Variants in SMYD4 observed in about 807,000 individuals in gnomAD.
The protein encoded by SMYD4 is SET and MYND domain containing 4.
Under a neutral mutation model 72.8 loss-of-function variants are expected in SMYD4, and 68 were observed. The ratio of observed to expected loss-of-function variants is 0.93; its 90% CI spans 0.77 to 1.14. The LOEUF is 1.14. SMYD4 is among the 50% of genes most tolerant of loss of function. The probability of loss-of-function intolerance (pLI) is 0.00; values close to 1 mark genes in which losing one functional copy is unlikely to be tolerated. For synonymous variants in SMYD4, 407 were observed against 388.6 expected, an observed-to-expected ratio of 1.05 and a Z score of -0.56; for missense variants, 984 against 1,003.7, an observed-to-expected ratio of 0.98 and a Z score of 0.27.
chr17:1,804,652 C>T lies in SMYD4; in HGVS notation c.343G>A (p.Ala115Thr). Residue 115 changes from alanine to threonine, a missense_variant, in exon 4 of 11, where the codon GCC becomes ACC. Coordinates refer to ENST00000305513, the MANE Select transcript of SMYD4 (RefSeq NM_052928.3). ...MSLCHANRSA[A>T]LFHLGQYETC... is the part of the protein sequence containing the mutation. ...TCATACTGACCCAGGTGGAAGAGGG[C>T]TGCCGAGCGGTTAGCATGACACAGT... is the stretch of plus-strand genomic sequence containing the variant. 6.2e-7 allele frequency: 1 copy of T among 1,613,694 alleles called. No individual in the cohort carries two copies. The highest frequency in any genetic ancestry group is 8.5e-7 in the Non-Finnish European group (1 of 1,179,728).
intron 5 of SMYD4, among the ~76,000 whole-genome samples, chr17:1,793,406 T>C (rs74634652): frequency 2.6e-5 from 4 of 152,034 alleles, no homozygotes; most frequent in Non-Finnish European, 5.9e-5. Context: ...TTTTTTTTTT[T>C]CTGCTGGTTT....
chr17:1,781,442 G>A lies in SMYD4; in HGVS notation c.2262-3C>T. 2 of 1,612,424 alleles carry A rather than the reference G, an allele frequency of 1.2e-6. No homozygotes were observed. The highest frequency in any genetic ancestry group is 1.7e-6 in the Non-Finnish European group (2 of 1,179,528). ...TCAGGGCTTCGGGTACTGCAAACCT[G>A]AGCCAAGGGAGGTAAGAGGAGTTAG... On this transcript the variant is annotated splice_region_variant and splice_polypyrimidine_tract_variant and intron_variant, in intron 10 of 10. Transcript: ENST00000305513.
chr17:1,800,653 G>A lies in SMYD4; in HGVS notation c.741C>T (p.Leu247=), dbSNP rs780631351. ...LCVDPLKGRC[L]VATKDILPGE... ...CTGGGAGAATATCTTTTGTGGCAAC[G>A]AGACAGCGACCTTTTAAAGGATCTA... Residue 247 remains leucine, a synonymous_variant, in exon 5 of 11, where the codon CTC becomes CTT. Coordinates refer to ENST00000305513, the MANE Select transcript of SMYD4 (RefSeq NM_052928.3). 1.7e-5 allele frequency: 27 copies of A among 1,614,056 alleles called. No homozygotes were observed. Among genetic ancestry groups the A allele is most frequent in the East Asian group, 2.2e-5 (1 of 44,902 alleles).
At chr17:1,796,358 A>G (rs893316244) in intron 5 of SMYD4, among the ~76,000 whole-genome samples, 1 of 135,290 alleles carries the variant, frequency 7.4e-6, no homozygotes, top group Non-Finnish European at 1.5e-5. Context: ...ATGGTCTCAA[A>G]TTCCTGGGCT....
chr17:1,791,573 A>G (rs1236561223), intron 5 of SMYD4, among the ~76,000 whole-genome samples: 1 of 152,196 alleles, frequency 6.6e-6, no homozygotes, highest in African/African-American at 2.4e-5. Context: ...AGCAGACTAA[A>G]AGAAAATGAG....
chr17:1,781,548 G>A, intron 10 of SMYD4, 109 bp from the exon 11 acceptor site: 1 of 1,307,488 alleles, frequency 7.6e-7, no homozygotes, highest in South Asian at 1.5e-5. Context: ...TGTCATCAAG[G>A]ATCCTACAAT....
rs994530087 is a variant in SMYD4, at chr17:1,780,323, C to T, written c.*963G>A. On this transcript the variant is annotated 3_prime_UTR_variant, in exon 11 of 11. Coordinates refer to ENST00000305513, the MANE Select transcript of SMYD4 (RefSeq NM_052928.3). ...GCCTCAGCCTACCAGGCTCAGGTGA[C>T]CCTATCTCAGCTTCTCGAGTAGGTG... The T allele has an allele frequency of 6.6e-6, 1 of 151,056 alleles. No individual in the cohort carries two copies. Among genetic ancestry groups the T allele is most frequent in the Non-Finnish European group, 1.5e-5 (1 of 67,828 alleles). The allele number at this position is 151,056 out of a possible 1,614,324, so 9.4% of individuals were successfully genotyped here.
At chr17:1,805,642 T>C (rs1431040450) in intron 3 of SMYD4, among the ~76,000 whole-genome samples, 1 of 150,852 alleles carries the variant, frequency 6.6e-6, no homozygotes, top group Non-Finnish European at 1.5e-5. Flanking sequence ...CAAAACCCCA[T>C]CTCTACTAAA....
intron 2 of SMYD4, among the ~76,000 whole-genome samples, chr17:1,823,968 T>TA (rs1462397323): frequency 6.6e-6 from 1 of 152,204 alleles, no homozygotes; most frequent in East Asian, 1.9e-4. Flanking sequence ...TCCCTTCAGA[T>TA]AGCCTAGTTT....
rs913795129 is a variant in SMYD4 at position 1,829,839 on chromosome 17, GCGCCCCGCTC to G, written c.-136_-127del. ...CGCGCAGCTCCTGGCGCGCCCCTTG[GCGCCCCGCTC>G]CGCCCCGCACCGCGTCCGGCGTCCC... On this transcript the variant is annotated 5_prime_UTR_variant, in exon 1 of 11. Transcript: ENST00000305513. 4.7e-5 allele frequency: 14 copies of G among 296,642 alleles called. No individual in the cohort carries two copies. Among genetic ancestry groups the G allele is most frequent in the Admixed American group, 2.6e-4 (5 of 19,168 alleles). The allele number at this position is 296,642 out of a possible 1,614,324, so 18.4% of individuals were successfully genotyped here.
At chr17:1,817,375 C>T (rs1056036789) in intron 2 of SMYD4, among the ~76,000 whole-genome samples, 2 of 151,922 alleles carry the variant, frequency 1.3e-5, no homozygotes, top group African/African-American at 4.8e-5. Flanking sequence ...CTTGCTCTGT[C>T]GCCCAGGCTG....
intron 2 of SMYD4, among the ~76,000 whole-genome samples, chr17:1,824,374 T>C (rs1911050207): frequency 6.6e-6 from 1 of 152,022 alleles, no homozygotes; most frequent in Admixed American, 6.6e-5. Flanking sequence ...AAATACACTA[T>C]AAAGTCACAG....
At chr17:1,827,679 T>C (rs1911262837) in intron 2 of SMYD4, among the ~76,000 whole-genome samples, 182 bp downstream of exon 2, 1 of 152,166 alleles carries the variant, frequency 6.6e-6, no homozygotes, top group Non-Finnish European at 1.5e-5. Context: ...CTCACGCCTG[T>C]ACTCCCAGCA....
At chr17:1,801,963 G>A (rs754626531) in intron 4 of SMYD4, among the ~76,000 whole-genome samples, 12 of 151,222 alleles carry the variant, frequency 7.9e-5, no homozygotes, top group South Asian at 2.1e-4. Flanking sequence ...GTGACAGAGC[G>A]ACACTCTGTC....
intron 5 of SMYD4, among the ~76,000 whole-genome samples, chr17:1,793,071 C>T (rs1330463744): frequency 6.6e-6 from 1 of 152,060 alleles, no homozygotes; most frequent in African/African-American, 2.4e-5. Context: ...GCGCGCACCA[C>T]CACACTCAGC....
chr17:1,789,489 T>C (rs9895011), intron 5 of SMYD4, among the ~76,000 whole-genome samples: 126,486 of 152,000 alleles, frequency 0.83, 53,236 homozygotes, highest in African/African-American at 0.93. Context: ...ATAGGCCAGG[T>C]GCAGAGGCTC....
intron 8 of SMYD4, among the ~76,000 whole-genome samples, chr17:1,784,042 C>CTGGA (rs1908516934): frequency 3.3e-5 from 5 of 152,242 alleles, no homozygotes; most frequent in African/African-American, 1.2e-4. Flanking sequence ...GCACACAGCT[C>CTGGA]ACGGATGTCA....
rs111417413 is a variant in SMYD4, at chr17:1,800,904, G to A, written c.490C>T (p.Gln164Ter). The A allele has an allele frequency of 6.2e-7, 1 of 1,614,188 alleles. No homozygotes were observed. The highest frequency in any genetic ancestry group is 8.5e-7 in the Non-Finnish European group (1 of 1,180,034). ...TTCCTTTCAAGATCACTGATGGTCT[G>A]GCTTGCCTCCTGCAGTCTCCCCAGG... is the stretch of plus-strand genomic sequence containing the variant. ...VALGRLQEAS[Q>*]TISDLERNFT... is the part of the protein sequence containing the mutation. Residue 164 changes from glutamine to a stop codon, truncating the protein, a stop_gained, in exon 5 of 11, where the codon CAG becomes TAG. Coordinates refer to ENST00000305513, the MANE Select transcript of SMYD4 (RefSeq NM_052928.3). LOFTEE classifies it high-confidence loss of function.
At position 1,800,105 on chromosome 17, in the gene SMYD4, G is replaced by C; in HGVS notation, c.1289C>G (p.Pro430Arg). 6.2e-7 allele frequency: 1 copy of C among 1,611,052 alleles called. No individual in the cohort carries two copies. ...CTCTGGGCTATGGTTTTCAGTGTGG[G>C]GCAAAAGGTTGAAGACAGCATTATA... is the stretch of plus-strand genomic sequence containing the variant. ...NNYNAVFNLL[P>R]HTENHSPEHK... is the part of the protein sequence containing the mutation. The change falls in exon 5 of 11, where the codon CCC becomes CGC. Residue 430 changes from proline (P) to arginine (R), a missense_variant. Pro to Arg is a moderately radical substitution (Grantham distance 103, BLOSUM62 -2). Transcript: ENST00000305513.
Sources: gnomAD v4.1 joint callset for allele counts (sites outside exome capture counted in the v4.1 genomes callset) on GRCh38, gnomAD v4.1.1 for gene constraint, MANE v1.5 for transcripts, NCBI Gene and HGNC (gene_info 2026-07-23, HGNC 2026-07-21) for gene names.